Variants in ACAP2 observed in about 807,000 individuals in gnomAD.
ACAP2 encodes the protein arf-GAP with coiled-coil, ANK repeat and PH domain-containing protein 2.
ACAP2 carries 39 observed loss-of-function variants against 115.8 expected under a neutral mutation model. That is an observed-to-expected ratio of 0.34 (90% confidence interval 0.26 to 0.44). The LOEUF (loss-of-function observed/expected upper bound fraction) is 0.44. ACAP2 is among the 20% of genes least tolerant of loss of function. ACAP2 has a pLI of 1.00. For missense variants in ACAP2, 662 were observed against 927.6 expected (o/e 0.71, Z 3.72); for synonymous variants, 289 against 315.8 (o/e 0.92, Z 0.90).
At chr3:195,353,079 T>C (rs1330808630) in intron 4 of ACAP2, among the ~76,000 whole-genome samples, 2 of 105,690 alleles carry the variant, frequency 1.9e-5, no homozygotes, top group Non-Finnish European at 3.9e-5. Flanking sequence ...GACTCTGTCT[T>C]TAAAAAAAAA....
intron 4 of ACAP2, among the ~76,000 whole-genome samples, chr3:195,376,402 T>C (rs1733543390): frequency 6.6e-6 from 1 of 151,532 alleles, no homozygotes; most frequent in Admixed American, 6.6e-5. Flanking sequence ...AAGATATATA[T>C]ATATTGTGAT....
At chr3:195,398,700 T>C (rs1238540745) in intron 1 of ACAP2, among the ~76,000 whole-genome samples, 1 of 151,572 alleles carries the variant, frequency 6.6e-6, no homozygotes, top group Non-Finnish European at 1.5e-5. Flanking sequence ...GCCTTCATTG[T>C]TTTCAAAAGT....
intron 4 of ACAP2, among the ~76,000 whole-genome samples, chr3:195,346,191 A>G (rs1731177158): frequency 6.6e-6 from 1 of 152,190 alleles, no homozygotes; most frequent in Non-Finnish European, 1.5e-5. Context: ...AGAGAAATTT[A>G]ATTTTGTCTG....
chr3:195,373,028 T>C (rs868745334), intron 4 of ACAP2, among the ~76,000 whole-genome samples: 57 of 94,902 alleles, frequency 6.0e-4, no homozygotes, highest in African/African-American at 2.2e-3. Context: ...ATGATAAAAG[T>C]AAAAATGCTA....
In ACAP2 at chr3:195,320,823, A is replaced by G; in HGVS notation, c.745-10T>C. The G allele has an allele frequency of 6.3e-7, 1 of 1,585,714 alleles. No homozygotes were observed. Among genetic ancestry groups the G allele is most frequent in the Non-Finnish European group, 8.7e-7 (1 of 1,155,606 alleles). On this transcript the variant is annotated splice_polypyrimidine_tract_variant and intron_variant, in intron 9 of 22. Transcript: ENST00000326793. ...CATCACTGGAGAAATCCTACACAAAATAACACATAAAGAAGTTCATATGAC... is the reference window on the plus strand; with the variant it reads ...CATCACTGGAGAAATCCTACACAAAGTAACACATAAAGAAGTTCATATGAC...
chr3:195,331,847 C>T (rs1181956155), intron 8 of ACAP2, among the ~76,000 whole-genome samples: 4 of 151,984 alleles, frequency 2.6e-5, no homozygotes, highest in African/African-American at 7.2e-5. Flanking sequence ...AACTATTACA[C>T]GTAGCCACCA....
intron 8 of ACAP2, among the ~76,000 whole-genome samples, chr3:195,328,501 T>C (rs1198530634): frequency 1.3e-5 from 2 of 152,156 alleles, no homozygotes; most frequent in African/African-American, 2.4e-5. Context: ...CTCTATGATC[T>C]AATACACACA....
chr3:195,383,938 C>G (rs1306642733), intron 2 of ACAP2, among the ~76,000 whole-genome samples: 1 of 151,602 alleles, frequency 6.6e-6, no homozygotes, highest in Non-Finnish European at 1.5e-5. Flanking sequence ...TTTTCTTTTA[C>G]TAACAGCAAA....
At chr3:195,329,947 G>T (rs770043500) in intron 8 of ACAP2, among the ~76,000 whole-genome samples, 1 of 151,846 alleles carries the variant, frequency 6.6e-6, no homozygotes, top group Non-Finnish European at 1.5e-5. Context: ...AATACCAGTG[G>T]ACCTCAGCCT....
intron 13 of ACAP2, among the ~76,000 whole-genome samples, chr3:195,303,317 G>A (rs1728191417): frequency 6.6e-6 from 1 of 152,172 alleles, no homozygotes; most frequent in Non-Finnish European, 1.5e-5. Context: ...GCTGAGGCAT[G>A]AGAATTGCTT....
Position 195,291,801 on chromosome 3 carries a change from C to T in ACAP2, c.1968G>A (p.Thr656=), listed in dbSNP as rs377235961. The T allele has an allele frequency of 4.5e-5, 72 of 1,612,898 alleles. No homozygotes were observed. Among genetic ancestry groups the T allele is most frequent in the South Asian group, 1.8e-4 (16 of 90,830 alleles). Residue 656 remains threonine (T), a synonymous_variant, in exon 20 of 23, where the codon ACG becomes ACA. Transcript: ENST00000326793. Reference sequence around the variant, plus strand: ...CACCATTCTGTAGGAGGAACTCACACGTCACCAAAGAGCCCTTAAAGGAAA... The same window carrying T: ...CACCATTCTGTAGGAGGAACTCACATGTCACCAAAGAGCCCTTAAAGGAAA... The part of the protein sequence containing the change: ...IQAVLGGSLV[T]CEFLLQNGAN...
At chr3:195,321,202 T>C (rs1286832960) in intron 9 of ACAP2, among the ~76,000 whole-genome samples, 2 of 151,194 alleles carry the variant, frequency 1.3e-5, no homozygotes, top group Non-Finnish European at 2.9e-5. Flanking sequence ...TAAAATTCTT[T>C]TGTTTTATCA....
chr3:195,361,735 AC>A (rs1288607398), intron 4 of ACAP2, among the ~76,000 whole-genome samples: 1 of 152,100 alleles, frequency 6.6e-6, no homozygotes, highest in Non-Finnish European at 1.5e-5. Flanking sequence ...AATCAACGAA[AC>A]AAAAAGTTGG....
chr3:195,324,931 G>A (rs960387177), intron 9 of ACAP2, among the ~76,000 whole-genome samples: 3 of 152,196 alleles, frequency 2.0e-5, no homozygotes, highest in African/African-American at 7.2e-5. Flanking sequence ...TTATGAATTT[G>A]ATCAAACATC....
intron 6 of ACAP2, among the ~76,000 whole-genome samples, chr3:195,341,614 C>A (rs996531667): frequency 5.9e-5 from 9 of 152,008 alleles, no homozygotes; most frequent in South Asian, 4.2e-4. Flanking sequence ...TGAGCCACTG[C>A]GCCTGGCCCA....
At chr3:195,390,369 A>G (rs1240937940) in intron 2 of ACAP2, among the ~76,000 whole-genome samples, 4 of 152,164 alleles carry the variant, frequency 2.6e-5, no homozygotes, top group African/African-American at 7.2e-5. Flanking sequence ...GGATACTACT[A>G]TATATTACAG....
intron 1 of ACAP2, among the ~76,000 whole-genome samples, chr3:195,404,757 TATATA>T (rs1356019495): frequency 1.3e-5 from 2 of 148,488 alleles, no homozygotes; most frequent in East Asian, 1.9e-4. Context: ...CATACGTATT[TATATA>T]ATATAAATAT....
intron 6 of ACAP2, among the ~76,000 whole-genome samples, chr3:195,341,209 G>A (rs1040095300): frequency 1.3e-5 from 2 of 151,746 alleles, no homozygotes; most frequent in Non-Finnish European, 2.9e-5. Flanking sequence ...TACCTTTGGA[G>A]ACCTATCACT....
intron 4 of ACAP2, among the ~76,000 whole-genome samples, chr3:195,360,033 C>G (rs1380789566): frequency 6.6e-6 from 1 of 152,116 alleles, no homozygotes; most frequent in Non-Finnish European, 1.5e-5. Flanking sequence ...CCTTACTCAT[C>G]CATAACATTG....
Sources: allele counts gnomAD v4.1 joint callset (sites outside exome capture counted in the v4.1 genomes callset), GRCh38; gene constraint gnomAD v4.1.1; transcripts MANE v1.5; gene names NCBI Gene and HGNC (gene_info 2026-07-23, HGNC 2026-07-21).